Variants in MNAT1 observed in about 807,000 individuals in gnomAD.
MNAT1 encodes MNAT1 component of CDK activating kinase, also known as CDK-activating kinase assembly factor MAT1.
In MNAT1, 43 loss-of-function variants were observed where a neutral mutation model predicts 42.0. The ratio of observed to expected loss-of-function variants is 1.02; its 90% CI spans 0.80 to 1.32. The LOEUF (loss-of-function observed/expected upper bound fraction) is 1.32. Ranked by LOEUF, MNAT1 falls within the 40% of genes most tolerant of loss-of-function variation. The probability of loss-of-function intolerance (pLI) is 0.00; values close to 1 mark genes in which losing one functional copy is unlikely to be tolerated. For missense variants in MNAT1, 306 were observed against 350.4 expected (o/e 0.87, Z 1.01); for synonymous variants, 118 against 120.0 (o/e 0.98, Z 0.11).
chr14:60,760,494 A>G (rs2030556261), intron 1 of MNAT1, among the ~76,000 whole-genome samples: 2 of 152,208 alleles, frequency 1.3e-5, no homozygotes, highest in East Asian at 1.9e-4. Context: ...GTTTAGCAGC[A>G]AGTCTCCAAT....
intron 7 of MNAT1, among the ~76,000 whole-genome samples, chr14:60,937,992 A>T (rs894210943): frequency 6.7e-6 from 1 of 148,700 alleles, no homozygotes; most frequent in South Asian, 2.2e-4. Flanking sequence ...CCTTGAAGCA[A>T]TTGTGAATAG....
At chr14:60,779,997 G>A (rs1240506753) in intron 1 of MNAT1, 4 of 1,564,036 alleles carry the variant, frequency 2.6e-6, no homozygotes, top group East Asian at 4.5e-5. Context: ...CAGCTCTCCC[G>A]GGAGCAGGGA....
chr14:60,839,051 A>G (rs910203178), intron 6 of MNAT1, among the ~76,000 whole-genome samples: 1 of 151,986 alleles, frequency 6.6e-6, no homozygotes, highest in Non-Finnish European at 1.5e-5. Flanking sequence ...CCTGGACAAC[A>G]TGATTGATTG....
At chr14:60,882,169 C>T (rs1372565513) in intron 7 of MNAT1, among the ~76,000 whole-genome samples, 1 of 151,834 alleles carries the variant, frequency 6.6e-6, no homozygotes, top group Non-Finnish European at 1.5e-5. Context: ...AAAACAAAAC[C>T]AAAAACTGGT....
At chr14:60,952,505 G>A (rs1201823159) in intron 7 of MNAT1, among the ~76,000 whole-genome samples, 3 of 152,116 alleles carry the variant, frequency 2.0e-5, no homozygotes. Context: ...CAATGAAGAT[G>A]ATGTGAGAGG....
intron 7 of MNAT1, among the ~76,000 whole-genome samples, chr14:60,894,199 G>A (rs1382257534): frequency 6.6e-6 from 1 of 151,936 alleles, no homozygotes; most frequent in East Asian, 1.9e-4. Context: ...GTAGGACTAG[G>A]AATGCGGGCA....
chr14:60,843,869 C>G (rs2139405468), intron 6 of MNAT1, among the ~76,000 whole-genome samples: 1 of 152,078 alleles, frequency 6.6e-6, no homozygotes, highest in Admixed American at 6.5e-5. Context: ...CTTTTCCTTC[C>G]CCCAAGTCAC....
chr14:60,931,610 T>C (rs1367629927), intron 7 of MNAT1, among the ~76,000 whole-genome samples: 1 of 152,176 alleles, frequency 6.6e-6, no homozygotes, highest in South Asian at 2.1e-4. Flanking sequence ...TTTCTCTAAC[T>C]TTTTTCTTAT....
At chr14:60,939,443 G>A (rs867924291) in intron 7 of MNAT1, among the ~76,000 whole-genome samples, 4 of 152,140 alleles carry the variant, frequency 2.6e-5, no homozygotes, top group Middle Eastern at 3.4e-3. Flanking sequence ...CTCTGTTCTC[G>A]TTGGTTTCAA....
intron 3 of MNAT1, among the ~76,000 whole-genome samples, chr14:60,805,458 G>A (rs1373082848): frequency 6.6e-6 from 1 of 152,034 alleles, no homozygotes; most frequent in African/African-American, 2.4e-5. Context: ...TTTTGGTGCT[G>A]TATACCCTAT....
chr14:60,968,117 C>T (rs2036715718), intron 7 of MNAT1, 112 bp from the exon 8 acceptor site: 3 of 762,262 alleles, frequency 3.9e-6, no homozygotes, highest in Non-Finnish European at 6.5e-6. Context: ...CTGAATATTT[C>T]AATCTCGGAA....
chr14:60,831,652 C>G (rs2033221726), intron 6 of MNAT1, among the ~76,000 whole-genome samples: 2 of 152,046 alleles, frequency 1.3e-5, no homozygotes, highest in Admixed American at 6.5e-5. Context: ...GTGCATGTGT[C>G]TTTATAGTAG....
intron 6 of MNAT1, among the ~76,000 whole-genome samples, chr14:60,831,464 G>C (rs897461311): frequency 2.6e-5 from 4 of 152,268 alleles, no homozygotes; most frequent in Middle Eastern, 3.4e-3. Context: ...TGCTGAGAAT[G>C]ATGGTTTCCA....
At chr14:60,955,956 A>G (rs2036480895) in intron 7 of MNAT1, among the ~76,000 whole-genome samples, 1 of 151,878 alleles carries the variant, frequency 6.6e-6, no homozygotes, top group African/African-American at 2.4e-5. Flanking sequence ...AAAAAAACCA[A>G]CTTTTAGTTT....
intron 5 of MNAT1, among the ~76,000 whole-genome samples, chr14:60,813,880 CTACT>C (rs1317413241): frequency 2.6e-5 from 4 of 152,080 alleles, no homozygotes; most frequent in Non-Finnish European, 4.4e-5. Flanking sequence ...GGACATGGCA[CTACT>C]TACTTTGTGT....
intron 7 of MNAT1, among the ~76,000 whole-genome samples, chr14:60,929,848 A>T (rs1594884040): frequency 6.6e-6 from 1 of 152,154 alleles, no homozygotes; most frequent in Non-Finnish European, 1.5e-5. Context: ...AGTATTTATT[A>T]TTACTGTTTT....
chr14:60,792,241 T>C lies in MNAT1; in HGVS notation c.90-3976T>C, dbSNP rs1238427792. Among the ~76,000 whole-genome samples the C allele has an allele frequency of 3.3e-5, 5 of 152,170 alleles. No homozygotes were observed. In the East Asian group the frequency reaches 9.6e-4, roughly 29 times the overall value. ...TGATCATTTAGGTCATTTCTACCTC[T>C]AAAATTTCTATGATTCGGTTAGAGC... On this transcript the variant is annotated intron_variant, in intron 1 of 7. Transcript: ENST00000261245.
At chr14:60,920,848 G>A (rs1238693041) in intron 7 of MNAT1, among the ~76,000 whole-genome samples, 1 of 152,110 alleles carries the variant, frequency 6.6e-6, no homozygotes, top group Non-Finnish European at 1.5e-5. Flanking sequence ...TTTTTAAAAG[G>A]AAAAACAATC....
intron 7 of MNAT1, among the ~76,000 whole-genome samples, chr14:60,886,157 A>G (rs898714652): frequency 4.6e-5 from 7 of 151,990 alleles, no homozygotes; most frequent in African/African-American, 1.7e-4. Flanking sequence ...TAGCTTTGTA[A>G]TATTATCTGA....
Sources: gnomAD v4.1 joint callset for allele counts (sites outside exome capture counted in the v4.1 genomes callset) on GRCh38, gnomAD v4.1.1 for gene constraint, MANE v1.5 for transcripts, NCBI Gene and HGNC (gene_info 2026-07-23, HGNC 2026-07-21) for gene names.